Variants in ELMO2 observed in about 807,000 individuals in gnomAD.
The protein encoded by ELMO2 is engulfment and cell motility 2, also known as engulfment and cell motility protein 2.
ELMO2 carries 37 observed loss-of-function variants against 96.2 expected under a neutral mutation model. The ratio of observed to expected loss-of-function variants is 0.38; its 90% CI spans 0.30 to 0.51. The LOEUF (loss-of-function observed/expected upper bound fraction) is 0.51, where lower values mean the gene tolerates loss of function less well. ELMO2 is among the 20% of genes least tolerant of loss of function. The probability of loss-of-function intolerance (pLI) is 0.88; values close to 1 mark genes in which losing one functional copy is unlikely to be tolerated. For synonymous variants in ELMO2, 315 were observed against 329.4 expected, an observed-to-expected ratio of 0.96 and a Z score of 0.47; for missense variants, 561 against 912.6, an observed-to-expected ratio of 0.61 and a Z score of 4.96.
At chr20:46,401,166 A>G (rs2060328836) in intron 1 of ELMO2, among the ~76,000 whole-genome samples, 2 of 152,246 alleles carry the variant, frequency 1.3e-5, no homozygotes. Context: ...TTTCTAATCG[A>G]GAACACAATC....
intron 1 of ELMO2, among the ~76,000 whole-genome samples, chr20:46,402,138 ACCCCAGG>A (rs1275844033): frequency 1.3e-5 from 2 of 152,080 alleles, no homozygotes; most frequent in African/African-American, 2.4e-5. Flanking sequence ...ATCAACACAC[ACCCCAGG>A]TCATTTATAA....
At chr20:46,402,196 T>G (rs559765070) in intron 1 of ELMO2, among the ~76,000 whole-genome samples, 1 of 152,110 alleles carries the variant, frequency 6.6e-6, no homozygotes, top group African/African-American at 2.4e-5. Flanking sequence ...TCCAGGAGAG[T>G]TGACAACCTG....
rs2060004443 is a variant in ELMO2, at chr20:46,384,273, A to G, written c.678-779T>C. Among the ~76,000 whole-genome samples the G allele has an allele frequency of 2.0e-5, 3 of 152,326 alleles. No homozygotes were observed. The South Asian group carries it at 6.2e-4, about 32-fold the overall frequency. On this transcript the variant is annotated intron_variant, in intron 9 of 21. Coordinates refer to ENST00000290246, the MANE Select transcript of ELMO2 (RefSeq NM_133171.5). ...ATTATGAACAAACAAAATAACTACA[A>G]TCATTCTCTGGAATCTTACAATCCT...
At position 46,375,048 on chromosome 20, in the gene ELMO2, A is replaced by G. The variant is rs2059829987; in HGVS notation, c.1065+188T>C. Among the ~76,000 whole-genome samples, 1 of 152,174 alleles carries G rather than the reference A, an allele frequency of 6.6e-6. No individual in the cohort carries two copies. Among genetic ancestry groups the G allele is most frequent in the South Asian group, 2.1e-4 (1 of 4,826 alleles). On this transcript the variant is annotated intron_variant, in intron 13 of 21. Transcript: ENST00000290246. This position sits in a 1 kb window ranked among gnomAD's most constrained non-coding sequence, Gnocchi z 4.6. ...AGATGGATTCGTTTCACAGGGCCAA[A>G]CTTTGCACATAAACTCACAGACTCA...
At chr20:46,381,120 C>T (rs1196513804) in intron 10 of ELMO2, among the ~76,000 whole-genome samples, 1 of 152,182 alleles carries the variant, frequency 6.6e-6, no homozygotes, top group African/African-American at 2.4e-5. Flanking sequence ...TCAAAAAGAA[C>T]ATCAGTGATT....
At chr20:46,380,434 G>A in intron 10 of ELMO2, 131 bp from the exon 11 acceptor site, 2 of 717,034 alleles carry the variant, frequency 2.8e-6, no homozygotes, top group Non-Finnish European at 4.9e-6. Flanking sequence ...CAAATGAAAA[G>A]TGGGTGAATG....
At chr20:46,403,858 C>T (rs1251726511) in intron 1 of ELMO2, among the ~76,000 whole-genome samples, 4 of 152,036 alleles carry the variant, frequency 2.6e-5, no homozygotes, top group African/African-American at 7.2e-5. Flanking sequence ...CTGAGGTGGG[C>T]GGGTCACTTG....
intron 20 of ELMO2, chr20:46,370,000 G>A (rs375858332): frequency 3.0e-6 from 1 of 330,630 alleles, no homozygotes; most frequent in Non-Finnish European, 5.7e-6. Flanking sequence ...GTGTGTGTGT[G>A]TGTGTATCCA....
Position 46,380,391 on chromosome 20 carries a change from G to A in ELMO2, c.757-88C>T, listed in dbSNP as rs528371326. ...AGAGGAAGGTGATGTCAAAATTCTG[G>A]GCCTTTTTTGCTTTCTTAAATTTTT... is the stretch of plus-strand genomic sequence containing the variant. On this transcript the variant is annotated intron_variant, in intron 10 of 21. Transcript: ENST00000290246. The A allele has an allele frequency of 3.4e-5, 39 of 1,136,220 alleles. 1 individual carries two copies. In the African/African-American group the frequency reaches 5.1e-4, roughly 15 times the overall value. 70.4% of individuals were successfully genotyped at this position (1,136,220 alleles called of 1,614,324 possible).
chr20:46,383,680 GAC>G (rs1466957168), intron 9 of ELMO2, among the ~76,000 whole-genome samples, 186 bp from the exon 10 acceptor site: 1 of 152,224 alleles, frequency 6.6e-6, no homozygotes, highest in African/African-American at 2.4e-5. Context: ...TTTATCCTAA[GAC>G]AGTAATCAGA....
rs560495238 is a variant in ELMO2 at position 46,389,937 on chromosome 20, G to A, written c.244-717C>T. ...TGGGAGGCCAAGGCGGGCAGATCAC[G>A]AGGTCAGGAGTTCGAGACCAACCTG... On this transcript the variant is annotated intron_variant, in intron 6 of 21. Transcript: ENST00000290246. Among the ~76,000 whole-genome samples, 13 of 152,094 alleles carry A rather than the reference G, an allele frequency of 8.5e-5. 1 individual carries two copies. Among genetic ancestry groups the A allele is most frequent in the South Asian group, 6.2e-4 (3 of 4,810 alleles).
At chr20:46,381,623 G>A (rs1416496277) in intron 10 of ELMO2, among the ~76,000 whole-genome samples, 4 of 152,148 alleles carry the variant, frequency 2.6e-5, no homozygotes, top group Non-Finnish European at 2.9e-5. Context: ...CAACTCATAA[G>A]GTGGGTAATT....
Position 46,392,559 on chromosome 20 carries a change from G to C in ELMO2, c.243+534C>G, listed in dbSNP as rs186757567. Among the ~76,000 whole-genome samples, 63 of 152,272 alleles carry C rather than the reference G, an allele frequency of 4.1e-4. 2 individuals are homozygous for C. The highest frequency in any genetic ancestry group is 1.5e-3 in the African/African-American group (63 of 41,540). On this transcript the variant is annotated intron_variant, in intron 6 of 21. Transcript: ENST00000290246. The stretch of plus-strand genomic sequence containing the variant: ...TGCTTAAAATTCTTCAATGTCCCCA[G>C]TTTCCTTCTGGACAGAGTTGAAACC...
chr20:46,401,756 TC>T (rs2060340226), intron 1 of ELMO2, among the ~76,000 whole-genome samples: 1 of 152,118 alleles, frequency 6.6e-6, no homozygotes, highest in South Asian at 2.1e-4. Flanking sequence ...TATTTCCTCT[TC>T]CTTGTCCAGC....
At position 46,389,303 on chromosome 20, in the gene ELMO2, G is replaced by C. The variant is rs1251715163; in HGVS notation, c.244-83C>G. On this transcript the variant is annotated intron_variant, in intron 6 of 21. Coordinates refer to ENST00000290246, the MANE Select transcript of ELMO2 (RefSeq NM_133171.5). ...GTGGATAGCTCACAGAGGCCCTTCT[G>C]TGGACATCCAAACCTGAGGCAGAAC... The C allele has an allele frequency of 4.9e-6, 7 of 1,424,494 alleles. No individual in the cohort carries two copies. The Admixed American group carries it at 6.5e-5, about 13-fold the overall frequency. 88.2% of individuals were successfully genotyped at this position (1,424,494 alleles called of 1,614,324 possible).
intron 20 of ELMO2, chr20:46,369,259 G>C (rs1454934948): frequency 3.4e-6 from 1 of 291,010 alleles, no homozygotes; most frequent in Non-Finnish European, 6.5e-6. Context: ...ATCCATGACT[G>C]TAAGTTATCC....
chr20:46,393,954 T>C (rs1324119076), intron 4 of ELMO2, 95 bp downstream of exon 4: 31 of 1,549,780 alleles, frequency 2.0e-5, no homozygotes, highest in Non-Finnish European at 2.7e-5. Flanking sequence ...AGGACCTGCC[T>C]AACTGGAGAT....
At chr20:46,377,405 G>T (rs913567441) in intron 11 of ELMO2, among the ~76,000 whole-genome samples, 9 of 152,056 alleles carry the variant, frequency 5.9e-5, no homozygotes, top group Non-Finnish European at 1.3e-4. Flanking sequence ...CATGGTTTGG[G>T]TTCTATGTCC....
chr20:46,387,570 G>GT, intron 7 of ELMO2, 133 bp from the exon 8 acceptor site: 1 of 499,550 alleles, frequency 2.0e-6, no homozygotes, highest in South Asian at 1.9e-5. Context: ...AACTGTAACT[G>GT]TAAGTGCCTG....
Sources: allele counts gnomAD v4.1 joint callset (sites outside exome capture counted in the v4.1 genomes callset), GRCh38; gene constraint gnomAD v4.1.1; non-coding constraint Gnocchi (gnomAD v3.1); transcripts MANE v1.5; gene names NCBI Gene and HGNC (gene_info 2026-07-23, HGNC 2026-07-21).